The following TACC2 variants were observed in gnomAD, a reference collection of about 807,000 sequenced individuals.
TACC2 encodes the protein transforming acidic coiled-coil containing protein 2.
Under a neutral mutation model 227.3 loss-of-function variants are expected in TACC2, and 137 were observed. That is an observed-to-expected ratio of 0.60 (90% CI 0.52 to 0.69). TACC2 has a LOEUF of 0.69. TACC2 is among the 30% of genes least tolerant of loss of function. The pLI is 0.00. For missense variants in TACC2, 3,470 were observed against 3,694.4 expected (o/e 0.94, Z 1.57); for synonymous variants, 1,523 against 1,487.5 (o/e 1.02, Z -0.55).
At chr10:122,029,218 G>C (rs1366390642) in intron 2 of TACC2, among the ~76,000 whole-genome samples, 1 of 151,748 alleles carries the variant, frequency 6.6e-6, no homozygotes, top group Non-Finnish European at 1.5e-5. Flanking sequence ...TCTATTCCTA[G>C]TTTGCTGTGG....
chr10:122,152,995 C>CTTTT (rs1380381031), intron 7 of TACC2, among the ~76,000 whole-genome samples: 1 of 44,706 alleles, frequency 2.2e-5, no homozygotes, highest in Non-Finnish European at 7.1e-5. Context: ...ATATTTCTTT[C>CTTTT]TTTCTTTTTT....
intron 5 of TACC2, chr10:122,126,840 G>A (rs1027354528): frequency 2.6e-5 from 4 of 152,146 alleles, no homozygotes; most frequent in African/African-American, 9.7e-5. Flanking sequence ...TGTTCTTCTG[G>A]TATCACCTGC....
chr10:122,101,723 C>CTTTTTTTTTTTTTTTT (rs1179126977), intron 5 of TACC2, among the ~76,000 whole-genome samples: 3 of 55,736 alleles, frequency 5.4e-5, no homozygotes, highest in East Asian at 6.5e-4. Flanking sequence ...CCATGCCCAG[C>CTTTTTTTTTTTTTTTT]TTTTTTTTTT....
chr10:122,099,316 A>G (rs924439378), intron 5 of TACC2, among the ~76,000 whole-genome samples: 1 of 152,182 alleles, frequency 6.6e-6, no homozygotes, highest in Non-Finnish European at 1.5e-5. Context: ...GCCTGGGCTT[A>G]AGTCTCAACC....
intron 5 of TACC2, among the ~76,000 whole-genome samples, chr10:122,124,374 C>T (rs931853459): frequency 2.6e-5 from 4 of 152,194 alleles, no homozygotes; most frequent in Non-Finnish European, 2.9e-5. Context: ...GCTCTCACTT[C>T]GGCTCCACTG....
intron 2 of TACC2, among the ~76,000 whole-genome samples, chr10:122,049,634 C>A (rs1171503909): frequency 6.6e-6 from 1 of 152,162 alleles, no homozygotes; most frequent in African/African-American, 2.4e-5. Flanking sequence ...AAGACAACCA[C>A]TGCTTTGGGA....
chr10:122,037,328 A>G (rs910990916), intron 2 of TACC2, among the ~76,000 whole-genome samples: 1 of 152,166 alleles, frequency 6.6e-6, no homozygotes, highest in Admixed American at 6.5e-5. Flanking sequence ...GCTTTCTTCT[A>G]CCTGTGGTAC....
intron 22 of TACC2, among the ~76,000 whole-genome samples, chr10:122,250,619 C>A (rs781501792): frequency 6.6e-6 from 1 of 152,144 alleles, no homozygotes; most frequent in Non-Finnish European, 1.5e-5. Context: ...CTGCCCTGGG[C>A]AGGTGCCAGT....
chr10:122,212,225 C>T (rs893883836), intron 9 of TACC2, among the ~76,000 whole-genome samples: 1 of 152,254 alleles, frequency 6.6e-6, no homozygotes, highest in South Asian at 2.1e-4. Flanking sequence ...GGGCCCCTCC[C>T]TGCTGCACTC....
chr10:122,132,497 G>A, intron 5 of TACC2, 112 bp from the exon 6 acceptor site: 6 of 1,277,170 alleles, frequency 4.7e-6, no homozygotes, highest in Non-Finnish European at 6.7e-6. Flanking sequence ...TGCAGTGAGC[G>A]GAGATCGCGC....
At chr10:122,065,015 T>G (rs957807836) in intron 3 of TACC2, among the ~76,000 whole-genome samples, 2 of 152,246 alleles carry the variant, frequency 1.3e-5, no homozygotes, top group Non-Finnish European at 2.9e-5. Flanking sequence ...TCTTGAACTC[T>G]ATATAAATGG....
At chr10:122,215,527 G>T in intron 10 of TACC2, 76 bp downstream of exon 10, 2 of 1,256,212 alleles carry the variant, frequency 1.6e-6, no homozygotes, top group Non-Finnish European at 2.3e-6. Context: ...ACAAAGCTTT[G>T]CTTTCTGCTC....
At chr10:122,191,607 C>T (rs1402095378) in intron 7 of TACC2, among the ~76,000 whole-genome samples, 1 of 152,176 alleles carries the variant, frequency 6.6e-6, no homozygotes, top group African/African-American at 2.4e-5. Flanking sequence ...GGGCCGCATG[C>T]AGCCCATAGG....
At chr10:122,134,226 C>T (rs2089039515) in intron 6 of TACC2, among the ~76,000 whole-genome samples, 1 of 149,206 alleles carries the variant, frequency 6.7e-6, no homozygotes, top group South Asian at 2.1e-4. Context: ...GGCTGGAGTA[C>T]AGTGGCACAA....
At position 122,050,609 on chromosome 10, in the gene TACC2, C is replaced by T; in HGVS notation, c.146+59C>T. 1.5e-6 allele frequency: 2 copies of T among 1,358,058 alleles called. No homozygotes were observed. Among genetic ancestry groups the T allele is most frequent in the Non-Finnish European group, 1.0e-6 (1 of 956,366 alleles). The allele number at this position is 1,358,058 out of a possible 1,614,324, so 84.1% of individuals were successfully genotyped here. On this transcript the variant is annotated intron_variant, in intron 3 of 22. Transcript: ENST00000369005. The surrounding 1 kb of genome is among the most constrained non-coding windows in gnomAD (Gnocchi z 4.6). ...CAAGGACTGCCCCGCTCATTGCCTG[C>T]TCCAGCATTAGCTTTGCCCCATTTG... is the stretch of plus-strand genomic sequence containing the variant.
intron 3 of TACC2, among the ~76,000 whole-genome samples, chr10:122,061,022 G>T (rs1434749427): frequency 0.065 from 1,225 of 18,950 alleles, 28 homozygotes; most frequent in African/African-American, 0.1. Context: ...AAAAAAAAGG[G>T]GGGGGGGCCA....
intron 9 of TACC2, among the ~76,000 whole-genome samples, chr10:122,214,859 T>C (rs1175120757): frequency 6.6e-6 from 1 of 152,132 alleles, no homozygotes; most frequent in Non-Finnish European, 1.5e-5. Context: ...CTTCAGAGCA[T>C]GGGAATCCAT....
chr10:122,007,113 C>T (rs954175614), intron 1 of TACC2, among the ~76,000 whole-genome samples: 12 of 152,174 alleles, frequency 7.9e-5, no homozygotes, highest in Non-Finnish European at 1.2e-4. Context: ...CTGCCAACCT[C>T]GGCCTCCCAA....
rs1216303379 is a variant in TACC2, at chr10:122,141,594, G to A, written c.5700-1978G>A. On this transcript the variant is annotated intron_variant, in intron 6 of 22. Transcript: ENST00000369005. This position sits in a 1 kb window ranked among gnomAD's most constrained non-coding sequence, Gnocchi z 4.3. The stretch of plus-strand genomic sequence containing the variant: ...AGAGATGGGGCAGGTGTAGCCTTGG[G>A]CATCTGCATCAGATCCCAGGGCTGT... 6.6e-6 allele frequency among the ~76,000 whole-genome samples: 1 copy of A among 152,034 alleles called. No individual in the cohort carries two copies. Among genetic ancestry groups the A allele is most frequent in the Non-Finnish European group, 1.5e-5 (1 of 68,008 alleles).
Sources: gnomAD v4.1 joint callset for allele counts (sites outside exome capture counted in the v4.1 genomes callset) on GRCh38, gnomAD v4.1.1 for gene constraint, Gnocchi (gnomAD v3.1) non-coding constraint, MANE v1.5 for transcripts, NCBI Gene and HGNC (gene_info 2026-07-23, HGNC 2026-07-21) for gene names.